TBC1D15: variants seen among roughly 807,000 people sequenced by gnomAD.
TBC1D15 encodes GAP for RAB7.
In TBC1D15, 39 loss-of-function variants were observed where a neutral mutation model predicts 95.4. That is an observed-to-expected ratio of 0.41 (90% confidence interval 0.32 to 0.53). TBC1D15 has a LOEUF of 0.53. TBC1D15 is among the 20% of genes least tolerant of loss of function. The probability of loss-of-function intolerance (pLI) is 0.29; values close to 1 mark genes in which losing one functional copy is unlikely to be tolerated. For missense variants in TBC1D15, 733 were observed against 794.3 expected (o/e 0.92, Z 0.93); for synonymous variants, 258 against 261.3 (o/e 0.99, Z 0.12).
At chr12:71,882,267 C>T (rs1895349401) in intron 4 of TBC1D15, among the ~76,000 whole-genome samples, 1 of 152,066 alleles carries the variant, frequency 6.6e-6, no homozygotes, top group Admixed American at 6.6e-5. Flanking sequence ...ACTGCTACAT[C>T]CTTTGTTATT....
chr12:71,870,636 A>G (rs996641325), intron 1 of TBC1D15, among the ~76,000 whole-genome samples: 4 of 152,228 alleles, frequency 2.6e-5, no homozygotes, highest in Non-Finnish European at 4.4e-5. Context: ...TTCTGTTGTC[A>G]GACTCCTTGG....
At chr12:71,862,483 T>C (rs1251714536) in intron 1 of TBC1D15, among the ~76,000 whole-genome samples, 1 of 152,210 alleles carries the variant, frequency 6.6e-6, no homozygotes, top group African/African-American at 2.4e-5. Flanking sequence ...TTTTATCTGA[T>C]ACATGTAAAG....
At chr12:71,879,991 A>C (rs80288685) in intron 3 of TBC1D15, among the ~76,000 whole-genome samples, 1 of 152,124 alleles carries the variant, frequency 6.6e-6, no homozygotes, top group Non-Finnish European at 1.5e-5. Flanking sequence ...TATACCTGTG[A>C]ATATGTTGCT....
intron 1 of TBC1D15, among the ~76,000 whole-genome samples, chr12:71,847,385 T>C (rs1364837283): frequency 6.6e-6 from 1 of 151,572 alleles, no homozygotes; most frequent in East Asian, 1.9e-4. Flanking sequence ...TATCATTAGT[T>C]TTTTTTTTAT....
At chr12:71,874,011 G>A (rs1471407475) in intron 3 of TBC1D15, among the ~76,000 whole-genome samples, 1 of 152,110 alleles carries the variant, frequency 6.6e-6, no homozygotes, top group South Asian at 2.1e-4. Flanking sequence ...TCTTCCATTT[G>A]TTCATGTCTA....
In TBC1D15 at chr12:71,840,832, G is replaced by A. The variant is rs368219485; in HGVS notation, c.30+1021G>A. ...CTAGGCGGCTGAATGACAAATATGG[G>A]CTTGGTTTTGCTGTTAATCTGAAGT... On this transcript the variant is annotated intron_variant, in intron 1 of 16. Coordinates refer to ENST00000485960, the MANE Select transcript of TBC1D15 (RefSeq NM_001146213.3). Among the ~76,000 whole-genome samples, 490 of 152,298 alleles carry A rather than the reference G, an allele frequency of 3.2e-3. 4 individuals are homozygous for A. Among genetic ancestry groups the A allele is most frequent in the South Asian group, 0.012 (60 of 4,832 alleles).
chr12:71,912,405 G>A (rs1245417331), intron 11 of TBC1D15, among the ~76,000 whole-genome samples: 1 of 152,108 alleles, frequency 6.6e-6, no homozygotes, highest in Non-Finnish European at 1.5e-5. Context: ...AGGGTGCAGT[G>A]TAGACAGAGT....
intron 1 of TBC1D15, among the ~76,000 whole-genome samples, chr12:71,853,517 A>G (rs1355353076): frequency 6.6e-6 from 1 of 152,170 alleles, no homozygotes; most frequent in East Asian, 1.9e-4. Flanking sequence ...ATACTTTAAT[A>G]TCCTTCACTA....
At chr12:71,896,404 T>C in intron 8 of TBC1D15, 1 of 445,158 alleles carries the variant, frequency 2.2e-6, no homozygotes, top group East Asian at 3.7e-5. Flanking sequence ...TTCTGTAAGA[T>C]TGGGCTTAGA....
intron 1 of TBC1D15, among the ~76,000 whole-genome samples, chr12:71,869,281 G>A (rs1219624742): frequency 6.6e-6 from 1 of 152,202 alleles, no homozygotes; most frequent in Non-Finnish European, 1.5e-5. Flanking sequence ...CCAGCACTTT[G>A]AGAGGCCAAG....
At chr12:71,905,033 A>T (rs2138863250) in intron 10 of TBC1D15, among the ~76,000 whole-genome samples, 1 of 152,254 alleles carries the variant, frequency 6.6e-6, no homozygotes, top group East Asian at 1.9e-4. Context: ...TTTTGTTTTT[A>T]ACTGAAGTAC....
intron 3 of TBC1D15, among the ~76,000 whole-genome samples, chr12:71,880,000 CT>C (rs1461131097): frequency 6.6e-6 from 1 of 152,026 alleles, no homozygotes; most frequent in Non-Finnish European, 1.5e-5. Context: ...GAATATGTTG[CT>C]TTTAGCTAAT....
chr12:71,857,486 A>G (rs117883972), intron 1 of TBC1D15, among the ~76,000 whole-genome samples: 8 of 152,340 alleles, frequency 5.3e-5, no homozygotes, highest in Non-Finnish European at 1.2e-4. Flanking sequence ...CTACTCAGGA[A>G]TCAATTCATG....
intron 14 of TBC1D15, among the ~76,000 whole-genome samples, chr12:71,919,130 A>G (rs1868327171): frequency 6.6e-6 from 1 of 151,234 alleles, no homozygotes; most frequent in South Asian, 2.1e-4. Flanking sequence ...TTATTTTTCC[A>G]TGGCAACCTT....
chr12:71,913,995 G>T (rs1174569294), intron 12 of TBC1D15, 69 bp downstream of exon 12: 1 of 1,198,544 alleles, frequency 8.3e-7, no homozygotes, highest in Non-Finnish European at 1.2e-6. Flanking sequence ...ATAGTATAAG[G>T]TTGATTTTTA....
chr12:71,914,149 C>A (rs1486358885), intron 12 of TBC1D15, among the ~76,000 whole-genome samples: 3 of 151,734 alleles, frequency 2.0e-5, no homozygotes, highest in Non-Finnish European at 4.4e-5. Context: ...TAGGAATAAT[C>A]AGGATTTAAT....
intron 10 of TBC1D15, among the ~76,000 whole-genome samples, chr12:71,906,226 T>C (rs1214741719): frequency 2.6e-5 from 4 of 152,176 alleles, no homozygotes; most frequent in East Asian, 3.8e-4. Context: ...CTCAGTTTAA[T>C]TGAGGGGAGG....
rs201549493 is a variant in TBC1D15 at position 71,923,164 on chromosome 12, T to A, written c.1985T>A (p.Ile662Lys). The A allele has an allele frequency of 6.2e-7, 1 of 1,614,230 alleles. No individual in the cohort carries two copies. The highest frequency in any genetic ancestry group is 8.5e-7 in the Non-Finnish European group (1 of 1,180,044). ...SGARNDSPTQ[I>K]PVSSDVCRLT... ...GCCAGAAATGACAGCCCAACACAGA[T>A]ACCAGTGTCCTCAGATGTCTGCAGA... Residue 662 changes from isoleucine to lysine, a missense_variant, in exon 17 of 17, where the codon ATA (isoleucine) becomes AAA (lysine). Physicochemically the swap from Ile to Lys is moderately radical, Grantham distance 102. Coordinates refer to ENST00000485960, the MANE Select transcript of TBC1D15 (RefSeq NM_001146213.3).
intron 3 of TBC1D15, among the ~76,000 whole-genome samples, chr12:71,879,526 G>A (rs1056553118): frequency 2.0e-5 from 3 of 152,136 alleles, no homozygotes; most frequent in Non-Finnish European, 4.4e-5. Context: ...GAAAGACCTA[G>A]TTTGTCCTCC....
Sources: allele counts gnomAD v4.1 joint callset (sites outside exome capture counted in the v4.1 genomes callset), GRCh38; gene constraint gnomAD v4.1.1; transcripts MANE v1.5; gene names NCBI Gene and HGNC (gene_info 2026-07-23, HGNC 2026-07-21).